ADAMTSL1: variants seen among roughly 807,000 people sequenced by gnomAD.
The protein encoded by ADAMTSL1 is ADAMTS-like protein 1.
A neutral mutation model predicts 201.8 loss-of-function variants in ADAMTSL1; 126 were observed. That is an observed-to-expected ratio of 0.62 (90% CI 0.54 to 0.72). The LOEUF is 0.72. Ranked by LOEUF, ADAMTSL1 falls within the 30% of genes least tolerant of loss-of-function variation. ADAMTSL1 has a pLI of 0.00. For synonymous variants in ADAMTSL1, 1,121 were observed against 903.4 expected (o/e 1.24, Z -4.32); for missense variants, 2,679 against 2,277.8 (o/e 1.18, Z -3.59).
At chr9:17,913,941 G>A (rs1280661506) in intron 1 of ADAMTSL1, among the ~76,000 whole-genome samples, 2 of 151,974 alleles carry the variant, frequency 1.3e-5, no homozygotes, top group African/African-American at 4.8e-5. Context: ...TAAATTCCTC[G>A]ACACATACAC....
At chr9:18,470,513 G>A (rs1821164282), upstream of ADAMTSL1, among the ~76,000 whole-genome samples, 1 of 152,172 alleles carries the variant, frequency 6.6e-6, no homozygotes, top group Admixed American at 6.5e-5. Context: ...CTTCCTTAAA[G>A]AGGGGAGATT....
intron 2 of ADAMTSL1, among the ~76,000 whole-genome samples, chr9:18,532,931 G>A (rs898636767): frequency 1.3e-5 from 2 of 151,740 alleles, no homozygotes; most frequent in African/African-American, 4.8e-5. Context: ...TAAGAAGAAA[G>A]GATTAATTGA....
chr9:18,051,540 T>A (rs1327963865), intron 1 of ADAMTSL1, among the ~76,000 whole-genome samples: 3 of 151,352 alleles, frequency 2.0e-5, no homozygotes, highest in Non-Finnish European at 4.4e-5. Context: ...AGACAACTTT[T>A]TAAAACTTTT....
At chr9:18,612,542 A>G (rs368948180) in intron 4 of ADAMTSL1, among the ~76,000 whole-genome samples, 1 of 152,132 alleles carries the variant, frequency 6.6e-6, no homozygotes, top group Non-Finnish European at 1.5e-5. Flanking sequence ...ATAAATATCA[A>G]TGGAACAGAA....
chr9:18,176,204 C>A (rs947006272), intron 2 of ADAMTSL1, among the ~76,000 whole-genome samples: 1 of 151,984 alleles, frequency 6.6e-6, no homozygotes, highest in Admixed American at 6.6e-5. Context: ...TCATTTTATA[C>A]ATATAGATCA....
chr9:18,394,421 A>G (rs985879245), intron 2 of ADAMTSL1, among the ~76,000 whole-genome samples: 3 of 152,240 alleles, frequency 2.0e-5, no homozygotes, highest in Non-Finnish European at 4.4e-5. Context: ...TGGATATGAT[A>G]TTCCTGACAT....
intron 1 of ADAMTSL1, among the ~76,000 whole-genome samples, chr9:17,985,050 T>C (rs1443324676): frequency 6.6e-6 from 1 of 152,142 alleles, no homozygotes; most frequent in African/African-American, 2.4e-5. Flanking sequence ...GTTTTCTGTA[T>C]TTTAAAATAG....
chr9:18,661,945 G>C lies in ADAMTSL1; in HGVS notation c.957G>C (p.Leu319=), dbSNP rs1450229132. The C allele has an allele frequency of 6.2e-7, 1 of 1,613,174 alleles. No homozygotes were observed. Among genetic ancestry groups the C allele is most frequent in the South Asian group, 1.1e-5 (1 of 90,816 alleles). The change falls in exon 9 of 29, where the codon CTG becomes CTC. Residue 319 remains leucine, a synonymous_variant. Coordinates refer to ENST00000380548, the MANE Select transcript of ADAMTSL1 (RefSeq NM_001040272.6). The part of the protein sequence containing the change: ...CSATCGGGYQ[L]TSAECYDLRS... The stretch of plus-strand genomic sequence containing the variant: ...GGTTTGATACTACAGGTTATCAGCT[G>C]ACATCGGCTGAGTGCTACGATCTGA...
chr9:18,293,978 T>A (rs1160953041), intron 2 of ADAMTSL1, among the ~76,000 whole-genome samples: 3 of 152,182 alleles, frequency 2.0e-5, no homozygotes, highest in Non-Finnish European at 4.4e-5. Flanking sequence ...AAATATTTCC[T>A]TGAAGCTAAT....
chr9:18,276,205 T>C (rs1424247137), intron 2 of ADAMTSL1, among the ~76,000 whole-genome samples: 3 of 152,186 alleles, frequency 2.0e-5, no homozygotes, highest in Non-Finnish European at 4.4e-5. Flanking sequence ...TTTGTCTTTT[T>C]ATTATTAAGT....
intron 1 of ADAMTSL1, among the ~76,000 whole-genome samples, chr9:18,075,842 TG>T (rs1358611831): frequency 6.6e-6 from 1 of 152,216 alleles, no homozygotes; most frequent in African/African-American, 2.4e-5. Context: ...TGGGCAGACC[TG>T]TGCCTGTAAA....
At chr9:18,059,642 T>C (rs1822360514) in intron 1 of ADAMTSL1, among the ~76,000 whole-genome samples, 1 of 152,220 alleles carries the variant, frequency 6.6e-6, no homozygotes, top group Non-Finnish European at 1.5e-5. Flanking sequence ...GTTCAAGGAC[T>C]ATGGATAAAA....
At chr9:18,114,937 G>A (rs915825870) in intron 1 of ADAMTSL1, among the ~76,000 whole-genome samples, 6 of 152,166 alleles carry the variant, frequency 3.9e-5, no homozygotes, top group Non-Finnish European at 5.9e-5. Context: ...ATAAGCCACC[G>A]TGGTCGACTT....
chr9:17,924,823 G>C (rs550099184), intron 1 of ADAMTSL1, among the ~76,000 whole-genome samples: 8 of 59,484 alleles, frequency 1.3e-4, no homozygotes, highest in African/African-American at 4.2e-4. Context: ...AACACCAAAA[G>C]CAATGGCAAC....
At chr9:17,951,627 CTT>C (rs60569100) in intron 1 of ADAMTSL1, among the ~76,000 whole-genome samples, 128 of 143,872 alleles carry the variant, frequency 8.9e-4, no homozygotes, top group Admixed American at 1.9e-3. Flanking sequence ...AACCATTACT[CTT>C]TTTTTTTTTT....
intron 11 of ADAMTSL1, 116 bp from the exon 12 acceptor site, chr9:18,681,696 G>GGGTGT: frequency 1.5e-6 from 1 of 664,856 alleles, no homozygotes. Context: ...GAGTCCTCGT[G>GGGTGT]TGGGGGGGGG....
intron 1 of ADAMTSL1, among the ~76,000 whole-genome samples, chr9:18,076,036 C>G (rs1170497011): frequency 6.6e-6 from 1 of 152,190 alleles, no homozygotes; most frequent in Admixed American, 6.5e-5. Flanking sequence ...ATCCCTGATT[C>G]AAGAATGAGG....
intron 2 of ADAMTSL1, among the ~76,000 whole-genome samples, chr9:18,249,766 C>A (rs1048224963): frequency 6.6e-6 from 1 of 152,074 alleles, no homozygotes; most frequent in Non-Finnish European, 1.5e-5. Flanking sequence ...AAGCTAAAAC[C>A]AAAATGTGTG....
At chr9:18,743,038 C>T (rs1033079338) in intron 15 of ADAMTSL1, among the ~76,000 whole-genome samples, 1 of 152,174 alleles carries the variant, frequency 6.6e-6, no homozygotes, top group Non-Finnish European at 1.5e-5. Flanking sequence ...ATCATCTACC[C>T]TACTAATTTG....
Sources: allele counts gnomAD v4.1 joint callset (sites outside exome capture counted in the v4.1 genomes callset), GRCh38; gene constraint gnomAD v4.1.1; transcripts MANE v1.5; gene names NCBI Gene and HGNC (gene_info 2026-07-23, HGNC 2026-07-21).